Variants in PCDHGB1 observed in about 807,000 individuals in gnomAD.
PCDHGB1 encodes the protein protocadherin gamma subfamily B, 1.
PCDHGB1 carries 34 observed loss-of-function variants against 56.6 expected under a neutral mutation model. The ratio of observed to expected loss-of-function variants is 0.60; its 90% CI spans 0.46 to 0.80. The LOEUF (loss-of-function observed/expected upper bound fraction) is 0.80, where lower values mean the gene tolerates loss of function less well. Among genes scored for constraint, PCDHGB1 ranks in the 30% least tolerant of loss-of-function variants. The pLI, the probability that PCDHGB1 is intolerant of heterozygous loss-of-function variation, is 0.00. For synonymous variants in PCDHGB1, 561 were observed against 505.9 expected (o/e 1.11, Z -1.46); for missense variants, 1,278 against 1,204.6 (o/e 1.06, Z -0.90).
chr5:141,431,092 G>A lies in PCDHGB1; in HGVS notation c.2410-63715G>A. On this transcript the variant is annotated intron_variant, in intron 1 of 3. Coordinates refer to ENST00000523390, the MANE Select transcript of PCDHGB1 (RefSeq NM_018922.3). This position sits in a 1 kb window ranked among gnomAD's most constrained non-coding sequence, Gnocchi z 4.8. ...AATTAAATCTAGACATTCTGATGGAGGATAAAGTGAAAATATATGGAGTAG... is the reference window on the plus strand; with the variant it reads ...AATTAAATCTAGACATTCTGATGGAAGATAAAGTGAAAATATATGGAGTAG... 1 of 1,614,252 alleles carries A rather than the reference G, an allele frequency of 6.2e-7. No individual in the cohort carries two copies. The highest frequency in any genetic ancestry group is 1.1e-5 in the South Asian group (1 of 91,090).
At chr5:141,502,946 C>T (rs900624216) in intron 2 of PCDHGB1, among the ~76,000 whole-genome samples, 13 of 145,572 alleles carry the variant, frequency 8.9e-5, no homozygotes, top group African/African-American at 2.6e-4. Flanking sequence ...TGGGTTCAAG[C>T]GATTCTCCTG....
At chr5:141,478,247 G>C (rs1377698933) in intron 1 of PCDHGB1, 1 of 1,613,956 alleles carries the variant, frequency 6.2e-7, no homozygotes, top group Non-Finnish European at 8.5e-7. Context: ...CACAGTGTTC[G>C]GAGTAATCAT....
intron 1 of PCDHGB1, among the ~76,000 whole-genome samples, chr5:141,452,072 G>A (rs550370876): frequency 1.3e-5 from 2 of 152,272 alleles, no homozygotes; most frequent in East Asian, 1.9e-4. Flanking sequence ...ACTTTTATTA[G>A]TTGGCATTAT....
At chr5:141,357,316 G>A (rs758354244) in intron 1 of PCDHGB1, 1 of 1,614,060 alleles carries the variant, frequency 6.2e-7, no homozygotes, top group Admixed American at 1.7e-5. Context: ...CGTCTTCCTG[G>A]CTTTTGTCAC....
chr5:141,384,444 C>T lies in PCDHGB1; in HGVS notation c.2409+31775C>T, dbSNP rs751427123. 2.5e-5 allele frequency: 41 copies of T among 1,613,906 alleles called. No individual in the cohort carries two copies. The Admixed American group carries it at 5.0e-4, about 20-fold the overall frequency. ...TAAACTCTGACACTGGAGTCCTGTA[C>T]GCGCTGCAATCCTTTGATTATGAGC... On this transcript the variant is annotated intron_variant, in intron 1 of 3. Transcript: ENST00000523390.
In PCDHGB1 at chr5:141,352,042, A is replaced by G; in HGVS notation, c.1782A>G (p.Ser594=). 6.2e-7 allele frequency: 1 copy of G among 1,608,126 alleles called. No individual in the cohort carries two copies. Among genetic ancestry groups the G allele is most frequent in the Non-Finnish European group, 8.5e-7 (1 of 1,178,584 alleles). The change falls in exon 1 of 4, where the codon TCA becomes TCG. Residue 594 remains serine (S), a synonymous_variant. Coordinates refer to ENST00000523390, the MANE Select transcript of PCDHGB1 (RefSeq NM_018922.3). ...VTKVVAVDAD[S]GHNAWLSYHV... ...AGGTGGTGGCGGTGGACGCAGACTC[A>G]GGACACAACGCTTGGCTGTCCTACC... is the stretch of plus-strand genomic sequence containing the variant.
chr5:141,417,828 A>G (rs1439385565), intron 1 of PCDHGB1: 1 of 1,521,792 alleles, frequency 6.6e-7, no homozygotes, highest in Non-Finnish European at 8.8e-7. Context: ...CCAACTGGAA[A>G]AGCGGGGACC....
intron 1 of PCDHGB1, among the ~76,000 whole-genome samples, chr5:141,461,126 T>C (rs575819058): frequency 6.6e-6 from 1 of 152,260 alleles, no homozygotes; most frequent in Non-Finnish European, 1.5e-5. Flanking sequence ...TTTCATATAA[T>C]TACTTATTTT....
At chr5:141,495,591 C>G (rs2099762279) in intron 2 of PCDHGB1, among the ~76,000 whole-genome samples, 3 of 152,222 alleles carry the variant, frequency 2.0e-5, no homozygotes, top group African/African-American at 7.2e-5. Context: ...CCATCTCTGT[C>G]TTAGCTTCCG....
At chr5:141,428,145 A>T (rs748256830) in intron 1 of PCDHGB1, 11 of 1,592,456 alleles carry the variant, frequency 6.9e-6, no homozygotes, top group Non-Finnish European at 8.6e-7. Flanking sequence ...GGGGCTGCAC[A>T]CGGGAACCTG....
chr5:141,433,643 C>A (rs899772934), intron 1 of PCDHGB1, among the ~76,000 whole-genome samples: 13 of 152,070 alleles, frequency 8.5e-5, no homozygotes, highest in African/African-American at 2.7e-4. Context: ...TGAGACCAGC[C>A]TGACCAACAT....
rs529687184 is a variant in PCDHGB1, at chr5:141,365,180, G to A, written c.2409+12511G>A. 3.0e-5 allele frequency: 48 copies of A among 1,613,844 alleles called. No homozygotes were observed. In the East Asian group the frequency reaches 1.0e-3, roughly 35 times the overall value. ...GAAATTGACCTACTCTTTTCGCAATGAAGAAGAAAAAATTTCGGAGACTTT... is the reference window on the plus strand; with the variant it reads ...GAAATTGACCTACTCTTTTCGCAATAAAGAAGAAAAAATTTCGGAGACTTT... On this transcript the variant is annotated intron_variant, in intron 1 of 3. Coordinates refer to ENST00000523390, the MANE Select transcript of PCDHGB1 (RefSeq NM_018922.3).
intron 1 of PCDHGB1, chr5:141,422,899 G>A: frequency 2.5e-6 from 4 of 1,614,234 alleles, no homozygotes; most frequent in Non-Finnish European, 3.4e-6. Flanking sequence ...GGACCAGAAC[G>A]ACAATGCGCC....
chr5:141,400,027 GC>G (rs746080003), intron 1 of PCDHGB1: 8 of 1,612,664 alleles, frequency 5.0e-6, no homozygotes, highest in Admixed American at 1.7e-5. Flanking sequence ...CAGGGACGCG[GC>G]CCGCCAGCGC....
chr5:141,352,927 G>A (rs1759145126), intron 1 of PCDHGB1, among the ~76,000 whole-genome samples: 1 of 152,218 alleles, frequency 6.6e-6, no homozygotes, highest in African/African-American at 2.4e-5. Flanking sequence ...GGTGGAGATT[G>A]TAGTGAGCCA....
chr5:141,455,593 C>T (rs957677108), intron 1 of PCDHGB1, among the ~76,000 whole-genome samples: 4 of 152,070 alleles, frequency 2.6e-5, no homozygotes, highest in Non-Finnish European at 5.9e-5. Flanking sequence ...AATATGCAAA[C>T]GTAGGGCGCC....
At chr5:141,433,128 C>T (rs773994964) in intron 1 of PCDHGB1, 3 of 1,614,158 alleles carry the variant, frequency 1.9e-6, no homozygotes, top group Non-Finnish European at 1.7e-6. Flanking sequence ...AAAAGCGAGC[C>T]CCTTTTGCTG....
At position 141,394,884 on chromosome 5, in the gene PCDHGB1, C is replaced by G. The variant is rs2093119839; in HGVS notation, c.2409+42215C>G. The G allele has an allele frequency of 1.2e-6, 2 of 1,613,784 alleles. 1 individual carries two copies. Among genetic ancestry groups the G allele is most frequent in the Admixed American group, 3.3e-5 (2 of 60,002 alleles). On this transcript the variant is annotated intron_variant, in intron 1 of 3. Coordinates refer to ENST00000523390, the MANE Select transcript of PCDHGB1 (RefSeq NM_018922.3). ...CGACCCGAACGATTCGAGCCTTACACTCTATCTCGTGGTGGCAGTGGCTGC... is the reference window on the plus strand; with the variant it reads ...CGACCCGAACGATTCGAGCCTTACAGTCTATCTCGTGGTGGCAGTGGCTGC...
rs372827164 is a variant in PCDHGB1, at chr5:141,394,334, C to T, written c.2409+41665C>T. On this transcript the variant is annotated intron_variant, in intron 1 of 3. Coordinates refer to ENST00000523390, the MANE Select transcript of PCDHGB1 (RefSeq NM_018922.3). The stretch of plus-strand genomic sequence containing the variant: ...CGCCCCTGTCCTCGTATATCTCCAT[C>T]AACTCTGACACCGGTGTCCTGTATG... The T allele has an allele frequency of 1.2e-3, 1,991 of 1,614,118 alleles. 3 individuals carry two copies. The highest frequency in any genetic ancestry group is 1.6e-3 in the Non-Finnish European group (1,898 of 1,179,978).
Sources: gnomAD v4.1 joint callset for allele counts (sites outside exome capture counted in the v4.1 genomes callset) on GRCh38, gnomAD v4.1.1 for gene constraint, Gnocchi (gnomAD v3.1) non-coding constraint, MANE v1.5 for transcripts, NCBI Gene and HGNC (gene_info 2026-07-23, HGNC 2026-07-21) for gene names.